Variants in SEMA4D observed in about 807,000 individuals in gnomAD.
SEMA4D encodes the protein semaphorin-4D.
SEMA4D carries 22 observed loss-of-function variants against 74.8 expected under a neutral mutation model. That is an observed-to-expected ratio of 0.29 (90% CI 0.21 to 0.42). The LOEUF is 0.42. SEMA4D is among the 10% of genes least tolerant of loss of function. The pLI is 1.00. For missense variants in SEMA4D, 937 were observed against 1,118.4 expected, an observed-to-expected ratio of 0.84 and a Z score of 2.31; for synonymous variants, 445 against 463.7, an observed-to-expected ratio of 0.96 and a Z score of 0.52.
intron 2 of SEMA4D, among the ~76,000 whole-genome samples, chr9:89,419,449 C>G (rs1167743088): frequency 1.3e-5 from 2 of 152,172 alleles, no homozygotes; most frequent in African/African-American, 4.8e-5. Flanking sequence ...CTGTGGGCAC[C>G]TGCAAAGTGC....
rs532667684 is a variant in SEMA4D, at chr9:89,438,689, G to A, written c.-244+17199C>T. Reference sequence around the variant, plus strand: ...TTTTCTTTTCTTTTTTTTTTAAGACGGAGTCTCGCTCTGTCGCCCAGGCTG... The same window carrying A: ...TTTTCTTTTCTTTTTTTTTTAAGACAGAGTCTCGCTCTGTCGCCCAGGCTG... On this transcript the variant is annotated intron_variant, in intron 2 of 15. Coordinates refer to ENST00000422704, the MANE Select transcript of SEMA4D (RefSeq NM_001371194.2). 1.5e-4 allele frequency among the ~76,000 whole-genome samples: 22 copies of A among 151,330 alleles called. 1 individual carries two copies. Among genetic ancestry groups the A allele is most frequent in the Middle Eastern group, 3.4e-3 (1 of 294 alleles).
chr9:89,456,571 C>T (rs557326863), intron 1 of SEMA4D, among the ~76,000 whole-genome samples: 6 of 152,222 alleles, frequency 3.9e-5, no homozygotes, highest in Non-Finnish European at 5.9e-5. Flanking sequence ...AAGAAGAATC[C>T]AAACAGGAAC....
At chr9:89,362,511 ATC>A (rs755214396) in intron 18 of SEMA4D, 33 of 1,612,346 alleles carry the variant, frequency 2.0e-5, no homozygotes, top group Non-Finnish European at 2.6e-5. Flanking sequence ...CTCATAGCCC[ATC>A]CCAGGCAGAG....
chr9:89,380,761 A>T (rs760339829), intron 15 of SEMA4D, among the ~76,000 whole-genome samples: 1 of 152,194 alleles, frequency 6.6e-6, no homozygotes, highest in Non-Finnish European at 1.5e-5. Flanking sequence ...CTCCCCATTT[A>T]TAACAGGCTT....
At chr9:89,416,742 C>A (rs1181601385) in intron 2 of SEMA4D, among the ~76,000 whole-genome samples, 1 of 152,178 alleles carries the variant, frequency 6.6e-6, no homozygotes, top group African/African-American at 2.4e-5. Context: ...ATGAATCATA[C>A]TTTTATATTG....
At chr9:89,390,578 T>C (rs1564589840) in intron 9 of SEMA4D, among the ~76,000 whole-genome samples, 2 of 152,224 alleles carry the variant, frequency 1.3e-5, no homozygotes, top group Admixed American at 6.5e-5. Flanking sequence ...CTGATGGTCA[T>C]GACTACATGA....
chr9:89,487,413 A>G (rs577963337), intron 1 of SEMA4D, among the ~76,000 whole-genome samples: 150 of 152,246 alleles, frequency 9.9e-4, no homozygotes, highest in Non-Finnish European at 1.9e-3. Flanking sequence ...ATCTTTACCT[A>G]ACATCATACT....
chr9:89,361,966 T>C, exon 19 of SEMA4D: 1 of 256,746 alleles, frequency 3.9e-6, no homozygotes, highest in East Asian at 8.1e-5. Context: ...CTGGCCATGC[T>C]AACCCTGTTG....
At chr9:89,380,996 G>C (rs1836904013) in intron 15 of SEMA4D, 59 bp downstream of exon 15, 2 of 1,597,976 alleles carry the variant, frequency 1.3e-6, no homozygotes, top group Non-Finnish European at 1.7e-6. Context: ...GAAGCACCGT[G>C]AAATGGCTAC....
intron 1 of SEMA4D, among the ~76,000 whole-genome samples, chr9:89,456,901 T>A (rs1049761031): frequency 4.6e-5 from 7 of 152,204 alleles, no homozygotes; most frequent in Admixed American, 6.5e-5. Flanking sequence ...GGGATTTTTT[T>A]AAATAATGTC....
At position 89,433,263 on chromosome 9, in the gene SEMA4D, C is replaced by G. The variant is rs75990253; in HGVS notation, c.-244+22625G>C. ...TGCCACGAGTCCCCCATGAGTGCAACTGCAGAGACAGCAGCCGGCAGCAGA... is the reference window on the plus strand; with the variant it reads ...TGCCACGAGTCCCCCATGAGTGCAAGTGCAGAGACAGCAGCCGGCAGCAGA... On this transcript the variant is annotated intron_variant, in intron 2 of 15. Transcript: ENST00000422704. 2.6e-4 allele frequency among the ~76,000 whole-genome samples: 40 copies of G among 152,152 alleles called. 1 individual carries two copies. In the East Asian group the frequency reaches 7.0e-3, roughly 26 times the overall value.
chr9:89,449,819 T>C, intron 2 of SEMA4D: 4 of 1,500,468 alleles, frequency 2.7e-6, no homozygotes, highest in Non-Finnish European at 3.7e-6. Flanking sequence ...ACTGTGTATG[T>C]CACTTCTCCC....
At chr9:89,403,076 T>A in intron 3 of SEMA4D, 60 bp from the exon 4 acceptor site, 1 of 1,571,140 alleles carries the variant, frequency 6.4e-7, no homozygotes, top group South Asian at 1.1e-5. Flanking sequence ...GAAGCATTTT[T>A]AAACCTGAGC....
chr9:89,471,332 C>T (rs750433314), intron 1 of SEMA4D, among the ~76,000 whole-genome samples: 4 of 152,092 alleles, frequency 2.6e-5, no homozygotes, highest in Non-Finnish European at 5.9e-5. Flanking sequence ...CTAAACTATA[C>T]CCTTAAACAT....
chr9:89,463,430 A>G (rs1031148081), intron 1 of SEMA4D, among the ~76,000 whole-genome samples: 20 of 152,232 alleles, frequency 1.3e-4, no homozygotes, highest in Non-Finnish European at 4.4e-5. Context: ...ACAGGGGTCC[A>G]TTCCCAGGTG....
chr9:89,394,347 G>A (rs1190463717), intron 6 of SEMA4D, among the ~76,000 whole-genome samples: 1 of 152,198 alleles, frequency 6.6e-6, no homozygotes, highest in Non-Finnish European at 1.5e-5. Context: ...GTGACAAACT[G>A]GGGGAAATGC....
chr9:89,387,990 C>T (rs1159222622), intron 11 of SEMA4D, among the ~76,000 whole-genome samples: 1 of 152,174 alleles, frequency 6.6e-6, no homozygotes, highest in Non-Finnish European at 1.5e-5. Flanking sequence ...AGCATAAGAG[C>T]CTGAGGGATT....
intron 6 of SEMA4D, among the ~76,000 whole-genome samples, chr9:89,394,926 C>G (rs895693259): frequency 4.6e-5 from 7 of 152,120 alleles, no homozygotes; most frequent in African/African-American, 1.7e-4. Context: ...TGTTACTATT[C>G]TTAGGAGATG....
chr9:89,370,333 A>G (rs1264499100), intron 16 of SEMA4D, among the ~76,000 whole-genome samples: 1 of 148,538 alleles, frequency 6.7e-6, no homozygotes, highest in African/African-American at 2.5e-5. Flanking sequence ...GTTGTGGTAC[A>G]TGTGTCGTGT....
Sources: allele counts gnomAD v4.1 joint callset (sites outside exome capture counted in the v4.1 genomes callset), GRCh38; gene constraint gnomAD v4.1.1; transcripts MANE v1.5; gene names NCBI Gene and HGNC (gene_info 2026-07-23, HGNC 2026-07-21).